Variants in DGLUCY observed in about 807,000 individuals in gnomAD.
DGLUCY encodes the protein D-glutamate cyclase, also known as D-glutamate cyclase, mitochondrial.
DGLUCY carries 58 observed loss-of-function variants against 58.5 expected under a neutral mutation model. The observed-to-expected ratio is 0.99, with a 90% CI of 0.80 to 1.23. DGLUCY has a LOEUF of 1.23. Among genes scored for constraint, DGLUCY ranks in the 50% most tolerant of loss-of-function variants. DGLUCY has a pLI of 0.00. For missense variants in DGLUCY, 779 were observed against 784.7 expected (o/e 0.99, Z 0.09); for synonymous variants, 325 against 314.1 (o/e 1.03, Z -0.37).
At position 91,185,271 on chromosome 14, in the gene DGLUCY, ATTTTTTTTTTTTT is replaced by A. The variant is rs35639010; in HGVS notation, c.935-3622_935-3610del. 2.6e-3 allele frequency among the ~76,000 whole-genome samples: 99 copies of A among 38,384 alleles called. 1 individual carries two copies. The highest frequency in any genetic ancestry group is 9.3e-3 in the African/African-American group (97 of 10,472). The allele number at this position is 38,384 out of a possible 152,430, so 25.2% of individuals were successfully genotyped here. Reference sequence around the variant, plus strand: ...GGTGTGAGCCACCGTGCCCAGCCGGATTTTTTTTTTTTTTTTTTTTTTTTTTTTTGAGACAGGT... The same window carrying A: ...GGTGTGAGCCACCGTGCCCAGCCGGATTTTTTTTTTTTTTTTGAGACAGGT... On this transcript the variant is annotated intron_variant, in intron 8 of 13. Transcript: ENST00000256324.
At chr14:91,179,879 C>T (rs1421829465) in intron 7 of DGLUCY, among the ~76,000 whole-genome samples, 1 of 140,706 alleles carries the variant, frequency 7.1e-6, no homozygotes, top group Non-Finnish European at 1.5e-5. Context: ...CACGAGTATG[C>T]TAAACACTTT....
At chr14:91,145,630 C>T (rs2046975253) in intron 1 of DGLUCY, among the ~76,000 whole-genome samples, 1 of 152,178 alleles carries the variant, frequency 6.6e-6, no homozygotes, top group African/African-American at 2.4e-5. Context: ...TCACCACCAT[C>T]CCCCTCCTCC....
chr14:91,218,978 G>C (rs1250875233), intron 13 of DGLUCY, among the ~76,000 whole-genome samples: 1 of 151,644 alleles, frequency 6.6e-6, no homozygotes, highest in Admixed American at 6.6e-5. Context: ...CCAGGAGTTC[G>C]AGACCAGCCT....
At chr14:91,156,943 G>A (rs140364848) in intron 1 of DGLUCY, among the ~76,000 whole-genome samples, 1 of 152,226 alleles carries the variant, frequency 6.6e-6, no homozygotes, top group Admixed American at 6.5e-5. Context: ...ATAGTGGGAA[G>A]GTCCCTGTTA....
chr14:91,220,568 T>C (rs1430264530), intron 13 of DGLUCY: 1 of 456,338 alleles, frequency 2.2e-6, no homozygotes, highest in Non-Finnish European at 4.4e-6. Context: ...AGCTGGGGCC[T>C]CCAGATGCCA....
chr14:91,184,550 T>TGACA (rs2049366443), intron 8 of DGLUCY, among the ~76,000 whole-genome samples: 1 of 95,584 alleles, frequency 1.0e-5, no homozygotes, highest in African/African-American at 4.7e-5. Context: ...CAATACCCTG[T>TGACA]GAAAGAAAGA....
At chr14:91,164,589 C>T (rs904221030) in intron 3 of DGLUCY, among the ~76,000 whole-genome samples, 1 of 152,196 alleles carries the variant, frequency 6.6e-6, no homozygotes, top group Non-Finnish European at 1.5e-5. Flanking sequence ...AGACTTAGTA[C>T]AGGTATGGGT....
intron 9 of DGLUCY, 37 bp downstream of exon 9, chr14:91,189,207 C>A (rs2273482): frequency 1.9e-6 from 3 of 1,609,526 alleles, no homozygotes; most frequent in Middle Eastern, 1.7e-4. Context: ...TTTCCCCAAA[C>A]GGGCTTTGTG....
At chr14:91,101,305 T>G (rs2044482371) in intron 1 of DGLUCY, among the ~76,000 whole-genome samples, 1 of 151,988 alleles carries the variant, frequency 6.6e-6, no homozygotes, top group Non-Finnish European at 1.5e-5. Flanking sequence ...CTTAGCCCCC[T>G]CCCCGACCCC....
chr14:91,110,726 G>C (rs962902752), upstream of DGLUCY, among the ~76,000 whole-genome samples: 1 of 152,088 alleles, frequency 6.6e-6, no homozygotes, highest in African/African-American at 2.4e-5. Context: ...GTGAACCACT[G>C]TGCCCGGCCA....
At chr14:91,182,961 A>AT (rs1241446932) in intron 8 of DGLUCY, among the ~76,000 whole-genome samples, 1 of 144,322 alleles carries the variant, frequency 6.9e-6, no homozygotes, top group Admixed American at 6.8e-5. Context: ...ATTTATTTTT[A>AT]TTTTTTTATT....
At chr14:91,108,526 T>TGTGAGAGAGAGAGA (rs1265665234) in intron 1 of DGLUCY, among the ~76,000 whole-genome samples, 22 of 52,178 alleles carry the variant, frequency 4.2e-4, no homozygotes, top group South Asian at 1.4e-3. Context: ...TGTGTGTGTG[T>TGTGAGAGAGAGAGA]GAGAGAGAGA....
At chr14:91,185,300 T>TTTTTTTA (rs2049442640) in intron 8 of DGLUCY, among the ~76,000 whole-genome samples, 4 of 113,796 alleles carry the variant, frequency 3.5e-5, no homozygotes, top group East Asian at 3.0e-4. Context: ...TTTTTTTTTT[T>TTTTTTTA]GAGACAGGTT....
intron 9 of DGLUCY, among the ~76,000 whole-genome samples, chr14:91,192,825 T>C (rs766357155): frequency 6.6e-6 from 1 of 152,130 alleles, no homozygotes; most frequent in African/African-American, 2.4e-5. Flanking sequence ...ATAAAAAGGC[T>C]AAAATGGTGA....
intron 9 of DGLUCY, among the ~76,000 whole-genome samples, chr14:91,190,952 G>A (rs1320486692): frequency 1.3e-5 from 2 of 152,142 alleles, no homozygotes. Context: ...TTGGAGTGGG[G>A]GTGCCTCATG....
intron 1 of DGLUCY, among the ~76,000 whole-genome samples, chr14:91,141,760 A>G (rs1259425803): frequency 6.6e-6 from 1 of 151,946 alleles, no homozygotes; most frequent in Non-Finnish European, 1.5e-5. Context: ...CACGTTGGTC[A>G]GGCTGGTCTT....
chr14:91,093,832 T>C (rs1327196265), intron 1 of DGLUCY, among the ~76,000 whole-genome samples: 1 of 151,708 alleles, frequency 6.6e-6, no homozygotes, highest in Non-Finnish European at 1.5e-5. Flanking sequence ...AAGACCATTA[T>C]GCCAAGTGAG....
intron 11 of DGLUCY, 151 bp downstream of exon 11, chr14:91,200,056 G>C: frequency 1.0e-6 from 1 of 978,774 alleles, no homozygotes; most frequent in East Asian, 2.6e-5. Context: ...CTGGGTTCGA[G>C]CAATTCTTCT....
chr14:91,085,634 A>T (rs998457469), intron 1 of DGLUCY, among the ~76,000 whole-genome samples: 6 of 149,764 alleles, frequency 4.0e-5, no homozygotes, highest in Non-Finnish European at 7.4e-5. Context: ...CAATGGCACG[A>T]TCTCAGCTCA....
Sources: allele counts gnomAD v4.1 joint callset (sites outside exome capture counted in the v4.1 genomes callset), GRCh38; gene constraint gnomAD v4.1.1; transcripts MANE v1.5; gene names NCBI Gene and HGNC (gene_info 2026-07-23, HGNC 2026-07-21).